Variants in CDCA7L observed in about 807,000 individuals in gnomAD.
CDCA7L encodes the protein cell division cycle associated 7 like.
Under a neutral mutation model 57.4 loss-of-function variants are expected in CDCA7L, and 44 were observed. The observed-to-expected ratio is 0.77, with a 90% CI of 0.60 to 0.98. The LOEUF (loss-of-function observed/expected upper bound fraction) is 0.98, where lower values mean the gene tolerates loss of function less well. Among genes scored for constraint, CDCA7L ranks in the 50% least tolerant of loss-of-function variants. CDCA7L has a pLI of 0.00. For missense variants in CDCA7L, 644 were observed against 580.6 expected (o/e 1.11, Z -1.12); for synonymous variants, 236 against 202.8 (o/e 1.16, Z -1.39).
chr7:21,905,552 T>G lies in CDCA7L; in HGVS notation c.1001A>C (p.Glu334Ala). ...ATCTCGAACAGTTATGGCAACATTT[T>G]CTAAGTCCTCTTCGGTGATATCCTC... ...PVEDITEEDL[E>A]NVAITVRDKI... Residue 334 changes from glutamate (E) to alanine (A), a missense_variant, in exon 7 of 10, where the codon GAA becomes GCA. Physicochemically the swap from Glu to Ala is moderately radical, Grantham distance 107. Transcript: ENST00000406877. 1 of 1,614,124 alleles carries G rather than the reference T, an allele frequency of 6.2e-7. No individual in the cohort carries two copies. The highest frequency in any genetic ancestry group is 1.1e-5 in the South Asian group (1 of 91,086).
chr7:21,923,477 T>C (rs1300519917), intron 1 of CDCA7L, among the ~76,000 whole-genome samples: 2 of 152,058 alleles, frequency 1.3e-5, no homozygotes, highest in African/African-American at 4.8e-5. Context: ...AGTCAGGGTG[T>C]CAGTGAGACC....
intron 4 of CDCA7L, 36 bp from the exon 5 acceptor site, chr7:21,906,675 A>G (rs1785153592): frequency 6.2e-7 from 1 of 1,606,284 alleles, no homozygotes; most frequent in Non-Finnish European, 8.5e-7. Flanking sequence ...TCTTACAAAA[A>G]TAGGGCTCCA....
At chr7:21,927,812 CCA>C (rs1299528250) in intron 1 of CDCA7L, among the ~76,000 whole-genome samples, 1 of 152,192 alleles carries the variant, frequency 6.6e-6, no homozygotes, top group East Asian at 1.9e-4. Flanking sequence ...CTGTTCAGCC[CCA>C]GTCAGGGGTT....
chr7:21,928,577 A>G (rs1413563831), intron 1 of CDCA7L, among the ~76,000 whole-genome samples: 4 of 152,076 alleles, frequency 2.6e-5, no homozygotes, highest in Non-Finnish European at 4.4e-5. Flanking sequence ...AGGAATTGCT[A>G]ACGAGAATAA....
intron 8 of CDCA7L, among the ~76,000 whole-genome samples, chr7:21,903,380 C>T (rs1337454843): frequency 6.6e-6 from 1 of 152,134 alleles, no homozygotes. Flanking sequence ...AGCACAGGGC[C>T]CTGTGCGAGC....
chr7:21,903,863 T>C (rs540221716), intron 8 of CDCA7L: 3 of 385,764 alleles, frequency 7.8e-6, no homozygotes, highest in Non-Finnish European at 1.4e-5. Flanking sequence ...ACTAGAGGAC[T>C]GTAAGCAAGT....
At chr7:21,906,096 T>C (rs944592096) in intron 6 of CDCA7L, among the ~76,000 whole-genome samples, 193 bp downstream of exon 6, 1 of 151,400 alleles carries the variant, frequency 6.6e-6, no homozygotes, top group Non-Finnish European at 1.5e-5. Flanking sequence ...ACCTCCAGCT[T>C]AGACCAGGGC....
At chr7:21,940,546 G>A (rs192511466) in intron 1 of CDCA7L, among the ~76,000 whole-genome samples, 5 of 152,330 alleles carry the variant, frequency 3.3e-5, no homozygotes, top group Non-Finnish European at 7.4e-5. Context: ...AGTGTGGTAT[G>A]ATAAATGTGA....
At chr7:21,908,597 G>GA (rs1401284421) in intron 3 of CDCA7L, 90 bp from the exon 4 acceptor site, 10 of 1,279,798 alleles carry the variant, frequency 7.8e-6, no homozygotes, top group African/African-American at 1.5e-5. Flanking sequence ...AGCATTATGA[G>GA]AAAAAACATG....
intron 2 of CDCA7L, among the ~76,000 whole-genome samples, chr7:21,913,520 A>G (rs766493382): frequency 2.6e-5 from 4 of 152,204 alleles, no homozygotes; most frequent in Admixed American, 6.5e-5. Flanking sequence ...ATTATTAAGG[A>G]AGAATGGTAC....
Position 21,901,914 on chromosome 7 carries a change from T to A in CDCA7L, c.*408A>T, listed in dbSNP as rs1184537107. ...ATGTGTGTGGTCTATTAAACTGTGG[T>A]CACTCGTGCTAAGGCACACTTGGCC... On this transcript the variant is annotated 3_prime_UTR_variant, in exon 10 of 10. Transcript: ENST00000406877. The A allele has an allele frequency of 9.1e-6, 2 of 219,138 alleles. No individual in the cohort carries two copies. Among genetic ancestry groups the A allele is most frequent in the African/African-American group, 4.5e-5 (2 of 44,106 alleles). The allele number at this position is 219,138 out of a possible 1,614,324, so 13.6% of individuals were successfully genotyped here.
intron 1 of CDCA7L, among the ~76,000 whole-genome samples, chr7:21,936,334 C>A (rs1035366820): frequency 2.0e-5 from 3 of 152,134 alleles, no homozygotes; most frequent in African/African-American, 7.2e-5. Flanking sequence ...TTCTATGTGA[C>A]CAGCATTATC....
chr7:21,920,239 TG>T (rs761350810), intron 1 of CDCA7L, among the ~76,000 whole-genome samples: 10 of 152,190 alleles, frequency 6.6e-5, no homozygotes, highest in Non-Finnish European at 1.5e-4. Context: ...CATGGACCCG[TG>T]AAAGGGTCTC....
At chr7:21,938,767 G>A (rs1024137824) in intron 1 of CDCA7L, among the ~76,000 whole-genome samples, 1 of 152,164 alleles carries the variant, frequency 6.6e-6, no homozygotes, top group African/African-American at 2.4e-5. Context: ...CACTTTGGGA[G>A]GCCAAGACAG....
intron 2 of CDCA7L, among the ~76,000 whole-genome samples, chr7:21,914,443 G>C (rs1785422473): frequency 6.6e-6 from 1 of 152,160 alleles, no homozygotes; most frequent in African/African-American, 2.4e-5. Context: ...AAAGCAATAT[G>C]GCACACGGAG....
intron 2 of CDCA7L, among the ~76,000 whole-genome samples, chr7:21,916,436 C>T (rs1220347770): frequency 6.7e-6 from 1 of 150,004 alleles, no homozygotes; most frequent in African/African-American, 2.5e-5. Context: ...GTGGGAAGAC[C>T]CTGAACACAG....
chr7:21,905,846 G>A, intron 6 of CDCA7L: 1 of 542,088 alleles, frequency 1.8e-6, no homozygotes, highest in Non-Finnish European at 3.1e-6. Flanking sequence ...AGGAACTCAA[G>A]GTTTTTGGTT....
chr7:21,915,139 G>A (rs1248089114), intron 2 of CDCA7L, among the ~76,000 whole-genome samples: 2 of 152,288 alleles, frequency 1.3e-5, no homozygotes, highest in Middle Eastern at 3.4e-3. Flanking sequence ...GCTGCAGAGG[G>A]AAGGGAAGGA....
intron 1 of CDCA7L, among the ~76,000 whole-genome samples, chr7:21,934,637 A>ACTT (rs1786109741): frequency 6.6e-6 from 1 of 152,154 alleles, no homozygotes. Context: ...GGCAGGAAGG[A>ACTT]TTTTTTCAAA....
Sources: gnomAD v4.1 joint callset for allele counts (sites outside exome capture counted in the v4.1 genomes callset) on GRCh38, gnomAD v4.1.1 for gene constraint, MANE v1.5 for transcripts, NCBI Gene and HGNC (gene_info 2026-07-23, HGNC 2026-07-21) for gene names.